Variants in ERBB4 observed in about 807,000 individuals in gnomAD.
ERBB4 encodes erb-b2 receptor tyrosine kinase 4, also known as receptor tyrosine-protein kinase erbB-4.
A neutral mutation model predicts 158.0 loss-of-function variants in ERBB4; 42 were observed. That is an observed-to-expected ratio of 0.27 (90% CI 0.21 to 0.34). The LOEUF (loss-of-function observed/expected upper bound fraction) is 0.34. ERBB4 is among the 10% of genes least tolerant of loss of function. ERBB4 has a pLI of 1.00. For synonymous variants in ERBB4, 583 were observed against 558.7 expected (o/e 1.04, Z -0.61); for missense variants, 1,333 against 1,624.1 (o/e 0.82, Z 3.08).
intron 25 of ERBB4, among the ~76,000 whole-genome samples, chr2:211,389,166 G>T (rs1217167645): frequency 1.3e-5 from 2 of 152,110 alleles, no homozygotes; most frequent in Admixed American, 1.3e-4. Context: ...CTCCCGAGTA[G>T]CTGGGACTAC....
intron 1 of ERBB4, among the ~76,000 whole-genome samples, chr2:212,421,251 C>T (rs892363377): frequency 3.3e-5 from 5 of 152,048 alleles, no homozygotes; most frequent in Admixed American, 2.6e-4. Context: ...GGACATTCTA[C>T]ACTTTTCTAG....
intron 1 of ERBB4, among the ~76,000 whole-genome samples, chr2:212,525,823 A>C (rs1692417404): frequency 6.6e-6 from 1 of 152,014 alleles, no homozygotes; most frequent in Admixed American, 6.6e-5. Flanking sequence ...CAGGTGAATG[A>C]CTACTTTTAG....
chr2:211,511,550 A>C (rs1234534087), intron 20 of ERBB4, among the ~76,000 whole-genome samples: 1 of 152,092 alleles, frequency 6.6e-6, no homozygotes, highest in Non-Finnish European at 1.5e-5. Flanking sequence ...AACCCTAATA[A>C]GAAATGACAA....
intron 3 of ERBB4, among the ~76,000 whole-genome samples, chr2:211,882,023 A>G (rs1172470097): frequency 6.6e-6 from 1 of 152,182 alleles, no homozygotes; most frequent in Non-Finnish European, 1.5e-5. Flanking sequence ...TCTTTAGCAG[A>G]AAAATATCCA....
chr2:211,573,082 T>C (rs983505635), intron 19 of ERBB4, among the ~76,000 whole-genome samples: 1 of 152,200 alleles, frequency 6.6e-6, no homozygotes, highest in African/African-American at 2.4e-5. Context: ...TTAGGAGATC[T>C]TCCTTGATTA....
intron 1 of ERBB4, among the ~76,000 whole-genome samples, chr2:212,382,342 T>C (rs1418845616): frequency 2.7e-5 from 4 of 150,696 alleles, no homozygotes; most frequent in Non-Finnish European, 5.9e-5. Flanking sequence ...AAAACACATA[T>C]GTGCATATAC....
At chr2:212,339,391 T>C (rs998298752) in intron 1 of ERBB4, among the ~76,000 whole-genome samples, 1 of 152,220 alleles carries the variant, frequency 6.6e-6, no homozygotes, top group African/African-American at 2.4e-5. Flanking sequence ...TTTTAAAATG[T>C]AGTATAGTAT....
chr2:211,902,931 A>G (rs2079276407), intron 3 of ERBB4, among the ~76,000 whole-genome samples: 1 of 151,954 alleles, frequency 6.6e-6, no homozygotes, highest in Non-Finnish European at 1.5e-5. Flanking sequence ...GAAAACTAAA[A>G]ATCTTCACTC....
chr2:212,065,413 T>A (rs2077914154), intron 2 of ERBB4, among the ~76,000 whole-genome samples: 1 of 151,918 alleles, frequency 6.6e-6, no homozygotes, highest in African/African-American at 2.4e-5. Flanking sequence ...TGAAGATGAG[T>A]TTATTTCCCG....
intron 1 of ERBB4, among the ~76,000 whole-genome samples, chr2:212,287,066 G>T (rs1025840979): frequency 6.6e-6 from 1 of 151,842 alleles, no homozygotes; most frequent in Non-Finnish European, 1.5e-5. Context: ...TTGCTCCACA[G>T]GTAGCCCAAA....
At chr2:211,838,392 T>A (rs904088772) in intron 3 of ERBB4, among the ~76,000 whole-genome samples, 5 of 149,484 alleles carry the variant, frequency 3.3e-5, no homozygotes, top group African/African-American at 1.3e-4. Context: ...TTAAAACACA[T>A]GTTAAATATC....
intron 2 of ERBB4, among the ~76,000 whole-genome samples, chr2:212,019,359 G>A (rs549469170): frequency 2.0e-4 from 31 of 152,000 alleles, no homozygotes; most frequent in Middle Eastern, 3.4e-3. Flanking sequence ...ATAATCTGCC[G>A]TTTTTAATTA....
chr2:212,148,533 A>C (rs915706337), intron 1 of ERBB4, among the ~76,000 whole-genome samples: 3 of 152,206 alleles, frequency 2.0e-5, no homozygotes, highest in African/African-American at 7.2e-5. Flanking sequence ...AGGATGAAAG[A>C]GATGGGAGAA....
intron 20 of ERBB4, among the ~76,000 whole-genome samples, chr2:211,439,022 G>A (rs1362926501): frequency 8.6e-5 from 13 of 151,990 alleles, no homozygotes; most frequent in Admixed American, 7.9e-4. Context: ...GTGTAAGCAT[G>A]TGTGTGTGCA....
chr2:211,505,768 G>A (rs1259574524), intron 20 of ERBB4, among the ~76,000 whole-genome samples: 1 of 152,010 alleles, frequency 6.6e-6, no homozygotes, highest in Non-Finnish European at 1.5e-5. Flanking sequence ...AAACCATCCT[G>A]GCTAACACGG....
intron 1 of ERBB4, among the ~76,000 whole-genome samples, chr2:212,529,227 T>C (rs556551391): frequency 1.3e-5 from 2 of 152,266 alleles, no homozygotes; most frequent in Admixed American, 1.3e-4. Flanking sequence ...ATTGATTAAA[T>C]GTTTAAATGG....
intron 1 of ERBB4, among the ~76,000 whole-genome samples, chr2:212,372,193 C>A (rs1389605062): frequency 6.6e-6 from 1 of 152,050 alleles, no homozygotes; most frequent in Non-Finnish European, 1.5e-5. Flanking sequence ...GCAAGGACAT[C>A]AGACACAAAG....
At chr2:211,815,050 G>T (rs1250636515) in intron 3 of ERBB4, among the ~76,000 whole-genome samples, 1 of 152,064 alleles carries the variant, frequency 6.6e-6, no homozygotes, top group Non-Finnish European at 1.5e-5. Flanking sequence ...CTCTCAAAAG[G>T]CTTCTCGCAT....
chr2:212,536,292 T>C (rs2106357555), intron 1 of ERBB4, among the ~76,000 whole-genome samples: 1 of 150,170 alleles, frequency 6.7e-6, no homozygotes, highest in South Asian at 2.1e-4. Context: ...GAACTTTCCC[T>C]GCCAGGTGCG....
Sources: gnomAD v4.1 joint callset for allele counts (sites outside exome capture counted in the v4.1 genomes callset) on GRCh38, gnomAD v4.1.1 for gene constraint, MANE v1.5 for transcripts, NCBI Gene and HGNC (gene_info 2026-07-23, HGNC 2026-07-21) for gene names.